ASB18: variants seen among roughly 807,000 people sequenced by gnomAD.
ASB18 encodes ankyrin repeat and SOCS box protein 18.
Under a neutral mutation model 33.4 loss-of-function variants are expected in ASB18, and 33 were observed. The observed-to-expected ratio is 0.99, with a 90% CI of 0.75 to 1.32. The LOEUF is 1.32. Ranked by LOEUF, ASB18 falls within the 40% of genes most tolerant of loss-of-function variation. ASB18 has a pLI of 0.00. For missense variants in ASB18, 694 were observed against 655.5 expected, an observed-to-expected ratio of 1.06 and a Z score of -0.64; for synonymous variants, 295 against 307.6, an observed-to-expected ratio of 0.96 and a Z score of 0.43.
Position 236,241,664 on chromosome 2 carries a change from G to A in ASB18, c.206-262C>T, listed in dbSNP as rs1358792757. The A allele has an allele frequency of 9.8e-6, 6 of 614,356 alleles. No homozygotes were observed. The East Asian group carries it at 1.4e-4, about 14-fold the overall frequency. 38.1% of individuals were successfully genotyped at this position (614,356 alleles called of 1,614,324 possible). A position where few individuals can be genotyped will look rare whatever the true frequency, so the allele number is the denominator to read the frequency against. On this transcript the variant is annotated intron_variant, in intron 1 of 5. Coordinates refer to ENST00000409749, the MANE Select transcript of ASB18 (RefSeq NM_212556.4). The surrounding 1 kb of genome is among the most constrained non-coding windows in gnomAD (Gnocchi z 4.2). Reference sequence around the variant, plus strand: ...ATTTATAACTCCTGTGGGCTCCGATGTGATAATGGTTACTTGATATGACCA... The same window carrying A: ...ATTTATAACTCCTGTGGGCTCCGATATGATAATGGTTACTTGATATGACCA...
chr2:236,255,145 CT>C lies in ASB18; in HGVS notation c.205+8995del, dbSNP rs1324606045. On this transcript the variant is annotated intron_variant, in intron 1 of 5. Coordinates refer to ENST00000409749, the MANE Select transcript of ASB18 (RefSeq NM_212556.4). The surrounding 1 kb of genome is among the most constrained non-coding windows in gnomAD (Gnocchi z 4.4). ...AAACCTCTGGTATTTCTTTCTTTTTCTTTTTTTTCTTTCTTTGAGACGGAGT... is the reference window on the plus strand; with the variant it reads ...AAACCTCTGGTATTTCTTTCTTTTTCTTTTTTTCTTTCTTTGAGACGGAGT... 6.6e-6 allele frequency among the ~76,000 whole-genome samples: 1 copy of C among 151,932 alleles called. No homozygotes were observed. The highest frequency in any genetic ancestry group is 6.6e-5 in the Admixed American group (1 of 15,244).
At chr2:236,230,193 G>A (rs1489439478) in intron 3 of ASB18, among the ~76,000 whole-genome samples, 3 of 151,672 alleles carry the variant, frequency 2.0e-5, no homozygotes, top group Non-Finnish European at 4.4e-5. Context: ...TGGGTCTAAA[G>A]TGCAGAAAAA....
intron 4 of ASB18, among the ~76,000 whole-genome samples, chr2:236,212,674 G>C (rs981956733): frequency 6.6e-6 from 1 of 152,132 alleles, no homozygotes; most frequent in African/African-American, 2.4e-5. Flanking sequence ...ACCCAGGCTG[G>C]AGTGTAGTGT....
rs1277762926 is a variant in ASB18 at position 236,244,958 on chromosome 2, A to G, written c.206-3556T>C. On this transcript the variant is annotated intron_variant, in intron 1 of 5. Transcript: ENST00000409749. The surrounding 1 kb of genome is among the most constrained non-coding windows in gnomAD (Gnocchi z 6.1). Reference sequence around the variant, plus strand: ...GATAAAACCCACCTCTCTTCTACAGAGGAGGGCTGCAGTGGTGCTGGGTGG... The same window carrying G: ...GATAAAACCCACCTCTCTTCTACAGGGGAGGGCTGCAGTGGTGCTGGGTGG... 6.6e-6 allele frequency among the ~76,000 whole-genome samples: 1 copy of G among 152,060 alleles called. No homozygotes were observed. The highest frequency in any genetic ancestry group is 2.4e-5 in the African/African-American group (1 of 41,420).
intron 4 of ASB18, among the ~76,000 whole-genome samples, chr2:236,206,164 C>CATCA (rs1444064074): frequency 6.7e-6 from 1 of 150,240 alleles, no homozygotes; most frequent in Non-Finnish European, 1.5e-5. Context: ...CCTTTATTAC[C>CATCA]ATCACTTTCT....
At chr2:236,202,794 A>AATAT (rs35425799) in intron 4 of ASB18, among the ~76,000 whole-genome samples, 49 of 117,690 alleles carry the variant, frequency 4.2e-4, no homozygotes, top group African/African-American at 1.2e-3. Context: ...AAAAAAAAAA[A>AATAT]ATATATATAT....
At position 236,195,046 on chromosome 2, in the gene ASB18, C is replaced by T. The variant is rs201896139; in HGVS notation, c.1227G>A (p.Pro409=). ...IPEEVFQMHK[P]FYQSLFALAL... ...CCAAGGCAAAGAGGGACTGGTAGAACGGCTTGTGCATCTGGAAGGGAAGGC... is the reference window on the plus strand; with the variant it reads ...CCAAGGCAAAGAGGGACTGGTAGAATGGCTTGTGCATCTGGAAGGGAAGGC... Residue 409 remains proline, a synonymous_variant, in exon 6 of 6, where the codon CCG becomes CCA. Transcript: ENST00000409749. This position sits in a 1 kb window ranked among gnomAD's most constrained non-coding sequence, Gnocchi z 5.5. The T allele has an allele frequency of 1.1e-4, 181 of 1,610,044 alleles. No individual in the cohort carries two copies. Among genetic ancestry groups the T allele is most frequent in the Middle Eastern group, 1.8e-4 (1 of 5,654 alleles).
At position 236,251,607 on chromosome 2, in the gene ASB18, T is replaced by G. The variant is rs2060669312; in HGVS notation, c.206-10205A>C. Among the ~76,000 whole-genome samples the G allele has an allele frequency of 6.6e-6, 1 of 152,154 alleles. No individual in the cohort carries two copies. Among genetic ancestry groups the G allele is most frequent in the South Asian group, 2.1e-4 (1 of 4,826 alleles). On this transcript the variant is annotated intron_variant, in intron 1 of 5. Coordinates refer to ENST00000409749, the MANE Select transcript of ASB18 (RefSeq NM_212556.4). This position sits in a 1 kb window ranked among gnomAD's most constrained non-coding sequence, Gnocchi z 5.3. ...TTGAGAAGGGTGGTCTAGGAGACAATTTGGTCAACACTGCATCCAGCAAAG... is the reference window on the plus strand; with the variant it reads ...TTGAGAAGGGTGGTCTAGGAGACAAGTTGGTCAACACTGCATCCAGCAAAG...
At position 236,244,344 on chromosome 2, in the gene ASB18, C is replaced by T. The variant is rs1414766781; in HGVS notation, c.206-2942G>A. ...TATGGGCCCAGGAGGGCTAAGCAGA[C>T]CCTCGCCCAGGGAGGCGGGCATAGC... On this transcript the variant is annotated intron_variant, in intron 1 of 5. Transcript: ENST00000409749. The surrounding 1 kb of genome is among the most constrained non-coding windows in gnomAD (Gnocchi z 6.1). Among the ~76,000 whole-genome samples, 1 of 150,736 alleles carries T rather than the reference C, an allele frequency of 6.6e-6. No homozygotes were observed. Among genetic ancestry groups the T allele is most frequent in the Non-Finnish European group, 1.5e-5 (1 of 68,034 alleles).
chr2:236,226,570 G>A lies in ASB18; in HGVS notation c.596+11119C>T, dbSNP rs1225320498. On this transcript the variant is annotated intron_variant, in intron 3 of 5. Coordinates refer to ENST00000409749, the MANE Select transcript of ASB18 (RefSeq NM_212556.4). This position sits in a 1 kb window ranked among gnomAD's most constrained non-coding sequence, Gnocchi z 4.8. ...ATTTTTGTAAAACCAACGGAAGCCAGGATATTAGATTCTATTGTTCAGTGT... is the reference window on the plus strand; with the variant it reads ...ATTTTTGTAAAACCAACGGAAGCCAAGATATTAGATTCTATTGTTCAGTGT... 6.6e-6 allele frequency among the ~76,000 whole-genome samples: 1 copy of A among 152,222 alleles called. No homozygotes were observed. Among genetic ancestry groups the A allele is most frequent in the Admixed American group, 6.5e-5 (1 of 15,290 alleles).
Position 236,237,776 on chromosome 2 carries a change from A to G in ASB18, c.509T>C (p.Leu170Pro). 3 of 1,442,302 alleles carry G rather than the reference A, an allele frequency of 2.1e-6. No individual in the cohort carries two copies. Among genetic ancestry groups the G allele is most frequent in the Non-Finnish European group, 2.7e-6 (3 of 1,102,166 alleles). 89.3% of individuals were successfully genotyped at this position (1,442,302 alleles called of 1,614,324 possible). A position where few individuals can be genotyped will look rare whatever the true frequency, so the allele number is the denominator to read the frequency against. Residue 170 changes from leucine to proline, a missense_variant, in exon 3 of 6, where the codon CTG becomes CCG. Coordinates refer to ENST00000409749, the MANE Select transcript of ASB18 (RefSeq NM_212556.4). This position sits in a 1 kb window ranked among gnomAD's most constrained non-coding sequence, Gnocchi z 6.2. ...GGGGTCGGCGCGGTGCTGCAGCAGC[A>G]GGCGGACGCAGGCGGTGTGGCCCCC... The part of the protein sequence containing the change: ...CLGGHTACVR[L>P]LLQHRADPDL...
rs893430582 is a variant in ASB18, at chr2:236,250,985, G to A, written c.206-9583C>T. Among the ~76,000 whole-genome samples, 2 of 152,198 alleles carry A rather than the reference G, an allele frequency of 1.3e-5. No homozygotes were observed. The highest frequency in any genetic ancestry group is 2.4e-5 in the African/African-American group (1 of 41,444). ...CTATTAATAATGACTTAAATTGTCT[G>A]TGCTGATTTCACATTATTAAGAAAT... On this transcript the variant is annotated intron_variant, in intron 1 of 5. Transcript: ENST00000409749. This position sits in a 1 kb window ranked among gnomAD's most constrained non-coding sequence, Gnocchi z 4.1.
chr2:236,206,551 A>G (rs993296764), intron 4 of ASB18, among the ~76,000 whole-genome samples: 2 of 152,202 alleles, frequency 1.3e-5, no homozygotes, highest in African/African-American at 4.8e-5. Flanking sequence ...CACTGAAACA[A>G]CCAATTCTGA....
chr2:236,230,492 G>GA (rs2106275609), intron 3 of ASB18, among the ~76,000 whole-genome samples: 1 of 151,390 alleles, frequency 6.6e-6, no homozygotes, highest in South Asian at 2.1e-4. Context: ...ATATTTAAAA[G>GA]AAAATCCTCT....
At position 236,251,870 on chromosome 2, in the gene ASB18, C is replaced by A. The variant is rs1289536343; in HGVS notation, c.206-10468G>T. ...AAGAGTTCAGTGACACTAATCCTCT[C>A]CCAGTTTGCAGGTGGGAGGGTAAAT... On this transcript the variant is annotated intron_variant, in intron 1 of 5. Transcript: ENST00000409749. The surrounding 1 kb of genome is among the most constrained non-coding windows in gnomAD (Gnocchi z 5.3). Among the ~76,000 whole-genome samples the A allele has an allele frequency of 6.6e-6, 1 of 152,184 alleles. No individual in the cohort carries two copies. The highest frequency in any genetic ancestry group is 2.4e-5 in the African/African-American group (1 of 41,442).
At chr2:236,236,491 A>C (rs913389326) in intron 3 of ASB18, among the ~76,000 whole-genome samples, 1 of 152,146 alleles carries the variant, frequency 6.6e-6, no homozygotes, top group Admixed American at 6.5e-5. Flanking sequence ...GAATTTATCA[A>C]ATTGTACGCC....
At position 236,221,711 on chromosome 2, in the gene ASB18, G is replaced by A. The variant is rs562113993; in HGVS notation, c.597-6845C>T. On this transcript the variant is annotated intron_variant, in intron 3 of 5. Coordinates refer to ENST00000409749, the MANE Select transcript of ASB18 (RefSeq NM_212556.4). The surrounding 1 kb of genome is among the most constrained non-coding windows in gnomAD (Gnocchi z 5.6). Reference sequence around the variant, plus strand: ...ACAGCATCTGTCTCCTTAAGTCACCGGAGTCCTTGGGCAATCCTGAGCTCC... The same window carrying A: ...ACAGCATCTGTCTCCTTAAGTCACCAGAGTCCTTGGGCAATCCTGAGCTCC... Among the ~76,000 whole-genome samples the A allele has an allele frequency of 2.6e-5, 4 of 152,252 alleles. No individual in the cohort carries two copies. The highest frequency in any genetic ancestry group is 4.2e-4 in the South Asian group (2 of 4,818).
rs949203784 is a variant in ASB18, at chr2:236,217,522, G to T, written c.597-2656C>A. ...TATCATAGTGCCTATCACACTATTG[G>T]TATTCCCTAAAAACATATTGAACAA... On this transcript the variant is annotated intron_variant, in intron 3 of 5. Transcript: ENST00000409749. The surrounding 1 kb of genome is among the most constrained non-coding windows in gnomAD (Gnocchi z 5.2). 6.6e-6 allele frequency among the ~76,000 whole-genome samples: 1 copy of T among 152,070 alleles called. No individual in the cohort carries two copies. Among genetic ancestry groups the T allele is most frequent in the African/African-American group, 2.4e-5 (1 of 41,414 alleles).
Position 236,238,067 on chromosome 2 carries a change from C to A in ASB18, c.329-111G>T. 2 of 895,208 alleles carry A rather than the reference C, an allele frequency of 2.2e-6. No homozygotes were observed. The highest frequency in any genetic ancestry group is 1.5e-6 in the Non-Finnish European group (1 of 649,420). The allele number at this position is 895,208 out of a possible 1,614,324, so 55.5% of individuals were successfully genotyped here. On this transcript the variant is annotated intron_variant, in intron 2 of 5. Coordinates refer to ENST00000409749, the MANE Select transcript of ASB18 (RefSeq NM_212556.4). This position sits in a 1 kb window ranked among gnomAD's most constrained non-coding sequence, Gnocchi z 5.2. ...GAAGCCGTCTCTTAAAGGTAGGTAC[C>A]AGGTAGGCATGTAGGGAGAAGAGGA... is the stretch of plus-strand genomic sequence containing the variant.
Sources: allele counts gnomAD v4.1 joint callset (sites outside exome capture counted in the v4.1 genomes callset), GRCh38; gene constraint gnomAD v4.1.1; non-coding constraint Gnocchi (gnomAD v3.1); transcripts MANE v1.5; gene names NCBI Gene and HGNC (gene_info 2026-07-23, HGNC 2026-07-21).